The following HPCAL1 variants were observed in gnomAD, a reference collection of about 807,000 sequenced individuals.
HPCAL1 encodes the protein hippocalcin like 1, also known as hippocalcin-like protein 1.
Under a neutral mutation model 17.1 loss-of-function variants are expected in HPCAL1, and 8 were observed. The observed-to-expected ratio is 0.47, with a 90% CI of 0.27 to 0.84. The LOEUF (loss-of-function observed/expected upper bound fraction) is 0.84. Ranked by LOEUF, HPCAL1 falls within the 40% of genes least tolerant of loss-of-function variation. The probability of loss-of-function intolerance (pLI) is 0.13; values close to 1 mark genes in which losing one functional copy is unlikely to be tolerated. For missense variants in HPCAL1, 165 were observed against 271.1 expected (o/e 0.61, Z 2.75); for synonymous variants, 112 against 111.4 (o/e 1.01, Z -0.03).
intron 1 of HPCAL1, among the ~76,000 whole-genome samples, chr2:10,327,512 A>G (rs1483899523): frequency 6.6e-6 from 1 of 152,218 alleles, no homozygotes; most frequent in Non-Finnish European, 1.5e-5. Flanking sequence ...CTGACCTGGT[A>G]AGGCTATTGT....
intron 2 of HPCAL1, among the ~76,000 whole-genome samples, chr2:10,406,673 C>G (rs192324996): frequency 6.6e-6 from 1 of 152,346 alleles, no homozygotes; most frequent in Non-Finnish European, 1.5e-5. Context: ...CGGGCTCGCT[C>G]TAGCCTGGCC....
intron 2 of HPCAL1, among the ~76,000 whole-genome samples, chr2:10,401,210 A>G (rs763947948): frequency 1.1e-4 from 16 of 152,126 alleles, no homozygotes; most frequent in Non-Finnish European, 1.6e-4. Context: ...TGGAGTCCAC[A>G]GTGATCTTTG....
Position 10,340,114 on chromosome 2 carries a change from G to C in HPCAL1, c.-111+36937G>C, listed in dbSNP as rs1033840527. ...TTGGCCTCAGTGGTGGGGTGTGCCT[G>C]CACCGCCTTCCCCCATCCCTGCCTC... On this transcript the variant is annotated intron_variant, in intron 1 of 4. Coordinates refer to ENST00000307845, the MANE Select transcript of HPCAL1 (RefSeq NM_002149.4). Among the ~76,000 whole-genome samples the C allele has an allele frequency of 5.9e-5, 9 of 152,230 alleles. 1 individual carries two copies.
Position 10,362,455 on chromosome 2 carries a change from C to T in HPCAL1, c.-110-34380C>T, listed in dbSNP as rs182186400. On this transcript the variant is annotated intron_variant, in intron 1 of 4. Coordinates refer to ENST00000307845, the MANE Select transcript of HPCAL1 (RefSeq NM_002149.4). The surrounding 1 kb of genome is among the most constrained non-coding windows in gnomAD (Gnocchi z 5.0). ...GTCCTACTCCTGTGGATAGACCCCC[C>T]GGAATGCAGGGGGCCGGGCTGAGCA... Among the ~76,000 whole-genome samples the T allele has an allele frequency of 7.4e-4, 112 of 152,222 alleles. No individual in the cohort carries two copies. Among genetic ancestry groups the T allele is most frequent in the African/African-American group, 2.4e-3 (101 of 41,520 alleles).
chr2:10,410,056 T>G (rs1670251875), intron 2 of HPCAL1, among the ~76,000 whole-genome samples: 1 of 152,152 alleles, frequency 6.6e-6, no homozygotes, highest in African/African-American at 2.4e-5. Flanking sequence ...CCTGAAGTGC[T>G]GGGATGACAG....
chr2:10,414,548 C>A (rs1303882059), intron 2 of HPCAL1, among the ~76,000 whole-genome samples: 1 of 152,166 alleles, frequency 6.6e-6, no homozygotes, highest in Non-Finnish European at 1.5e-5. Context: ...TTAGGGCCCA[C>A]CCTGGTGACC....
Position 10,343,329 on chromosome 2 carries a change from G to A in HPCAL1, c.-111+40152G>A, listed in dbSNP as rs1177700815. Among the ~76,000 whole-genome samples the A allele has an allele frequency of 1.3e-5, 2 of 152,236 alleles. No homozygotes were observed. The highest frequency in any genetic ancestry group is 2.9e-5 in the Non-Finnish European group (2 of 68,028). ...GCTGAGAAGGCTGATCTCAATCCTC[G>A]GAGTAATGACTCTCTTCTAGGAGCA... On this transcript the variant is annotated intron_variant, in intron 1 of 4. Transcript: ENST00000307845. This position sits in a 1 kb window ranked among gnomAD's most constrained non-coding sequence, Gnocchi z 4.8.
chr2:10,346,208 G>A (rs552985901), intron 1 of HPCAL1, among the ~76,000 whole-genome samples: 11 of 152,302 alleles, frequency 7.2e-5, no homozygotes, highest in East Asian at 1.9e-4. Context: ...CTTTGAGGGG[G>A]GGTGACGGGG....
At chr2:10,350,874 GCGATATA>G (rs1218609901) in intron 1 of HPCAL1, among the ~76,000 whole-genome samples, 3 of 152,152 alleles carry the variant, frequency 2.0e-5, no homozygotes, top group Non-Finnish European at 4.4e-5. Context: ...GAAAACAACA[GCGATATA>G]TCCAGTAAGA....
intron 2 of HPCAL1, among the ~76,000 whole-genome samples, chr2:10,401,982 G>A (rs1274923655): frequency 3.3e-5 from 5 of 151,712 alleles, no homozygotes; most frequent in African/African-American, 1.2e-4. Flanking sequence ...CTCACTGCAA[G>A]CTCCGCCTCC....
At chr2:10,315,962 A>G (rs1306094364) in intron 1 of HPCAL1, among the ~76,000 whole-genome samples, 5 of 152,300 alleles carry the variant, frequency 3.3e-5, no homozygotes, top group Admixed American at 6.5e-5. Context: ...ACCCGAGATC[A>G]GGCCACTGCA....
chr2:10,426,438 G>T (rs1671412746), intron 4 of HPCAL1: 2 of 399,352 alleles, frequency 5.0e-6, no homozygotes, highest in Admixed American at 3.8e-5. Flanking sequence ...GAAGTGTGGG[G>T]TGATTTCTAA....
chr2:10,305,826 G>A (rs1354827026), intron 1 of HPCAL1, among the ~76,000 whole-genome samples: 1 of 152,198 alleles, frequency 6.6e-6, no homozygotes, highest in African/African-American at 2.4e-5. Flanking sequence ...ACAAGGACTG[G>A]ACTTCGCTTG....
chr2:10,417,967 C>T (rs1391783561), intron 2 of HPCAL1, among the ~76,000 whole-genome samples: 3 of 150,906 alleles, frequency 2.0e-5, no homozygotes, highest in East Asian at 1.9e-4. Flanking sequence ...ACTTGAGCAC[C>T]GGAGGTCAAG....
Position 10,359,431 on chromosome 2 carries a change from G to A in HPCAL1, c.-110-37404G>A, listed in dbSNP as rs193198985. Among the ~76,000 whole-genome samples, 4 of 152,356 alleles carry A rather than the reference G, an allele frequency of 2.6e-5. No individual in the cohort carries two copies. Among genetic ancestry groups the A allele is most frequent in the African/African-American group, 7.2e-5 (3 of 41,590 alleles). ...GAGATTAAGAAGTTGAGATGTCTTT[G>A]TTCCCAGAGGAAAGTCCCTGCAGGC... is the stretch of plus-strand genomic sequence containing the variant. On this transcript the variant is annotated intron_variant, in intron 1 of 4. Transcript: ENST00000307845. The surrounding 1 kb of genome is among the most constrained non-coding windows in gnomAD (Gnocchi z 4.1).
chr2:10,390,715 C>T (rs1233032624), intron 1 of HPCAL1, among the ~76,000 whole-genome samples: 2 of 152,150 alleles, frequency 1.3e-5, no homozygotes, highest in Non-Finnish European at 2.9e-5. Context: ...GAAGCTTTTC[C>T]AGTACCCTTT....
At chr2:10,412,717 G>A (rs1284684700) in intron 2 of HPCAL1, among the ~76,000 whole-genome samples, 1 of 152,176 alleles carries the variant, frequency 6.6e-6, no homozygotes, top group Non-Finnish European at 1.5e-5. Context: ...TTCAGACTCT[G>A]CCTCCCACAC....
intron 2 of HPCAL1, among the ~76,000 whole-genome samples, chr2:10,409,064 TTAA>T (rs1269015757): frequency 2.0e-5 from 3 of 152,364 alleles, no homozygotes; most frequent in Admixed American, 1.3e-4. Flanking sequence ...AGAGAAAGTA[TTAA>T]TGAGATATTT....
At chr2:10,311,508 G>T (rs1230806161) in intron 1 of HPCAL1, among the ~76,000 whole-genome samples, 3 of 152,142 alleles carry the variant, frequency 2.0e-5, no homozygotes, top group Non-Finnish European at 4.4e-5. Flanking sequence ...TTGGTGATAT[G>T]CTGTTACCTT....
Sources: allele counts gnomAD v4.1 joint callset (sites outside exome capture counted in the v4.1 genomes callset), GRCh38; gene constraint gnomAD v4.1.1; non-coding constraint Gnocchi (gnomAD v3.1); transcripts MANE v1.5; gene names NCBI Gene and HGNC (gene_info 2026-07-23, HGNC 2026-07-21).